ELF2: variants seen among roughly 807,000 people sequenced by gnomAD.
The protein encoded by ELF2 is E74 like ETS transcription factor 2.
ELF2 carries 11 observed loss-of-function variants against 54.8 expected under a neutral mutation model. The ratio of observed to expected loss-of-function variants is 0.20; its 90% CI spans 0.13 to 0.33. The LOEUF (loss-of-function observed/expected upper bound fraction) is 0.33, where lower values mean the gene tolerates loss of function less well. ELF2 is among the 10% of genes least tolerant of loss of function. The pLI is 1.00. For synonymous variants in ELF2, 203 were observed against 245.1 expected (o/e 0.83, Z 1.61); for missense variants, 513 against 703.0 (o/e 0.73, Z 3.06).
chr4:139,109,551 C>A (rs1286430332), intron 4 of ELF2, among the ~76,000 whole-genome samples: 1 of 152,180 alleles, frequency 6.6e-6, no homozygotes, highest in Non-Finnish European at 1.5e-5. Context: ...TTTAGAATCA[C>A]ATTTGCATAT....
intron 4 of ELF2, among the ~76,000 whole-genome samples, chr4:139,110,700 C>T (rs1178516985): frequency 1.4e-5 from 2 of 142,614 alleles, no homozygotes; most frequent in African/African-American, 5.2e-5. Flanking sequence ...AACAACTGCA[C>T]TGCTTAGGAG....
intron 4 of ELF2, among the ~76,000 whole-genome samples, chr4:139,111,950 T>C (rs1734989887): frequency 6.6e-6 from 1 of 152,156 alleles, no homozygotes; most frequent in South Asian, 2.1e-4. Flanking sequence ...TCTTTGACTG[T>C]CCTATTCCTT....
intron 4 of ELF2, among the ~76,000 whole-genome samples, chr4:139,097,120 A>C (rs10019732): frequency 0.026 from 3,929 of 152,226 alleles, 157 homozygotes; most frequent in African/African-American, 0.089. Flanking sequence ...AAATACATTC[A>C]AAGCTATTAT....
rs1043767811 is a variant in ELF2, at chr4:139,060,364, G to T, written c.1117C>A (p.Pro373Thr). ...GCTGACACAGATGCAGTGGTAGTAGGAGACCTGGATGAAGCATCGTGCCCA... is the reference window on the plus strand; with the variant it reads ...GCTGACACAGATGCAGTGGTAGTAGTAGACCTGGATGAAGCATCGTGCCCA... ...SPGHDASSRS[P>T]TTTASVSATA... The change falls in exon 9 of 10, where the codon CCT (proline) becomes ACT (threonine). Residue 373 changes from proline to threonine, a missense_variant. Coordinates refer to ENST00000686138, the MANE Select transcript of ELF2 (RefSeq NM_001331036.3). The T allele has an allele frequency of 6.2e-7, 1 of 1,613,374 alleles. No homozygotes were observed. The highest frequency in any genetic ancestry group is 1.7e-4 in the Middle Eastern group (1 of 5,830).
At chr4:139,151,049 AAAGAAAGAAAG>A (rs1739889340) in intron 1 of ELF2, among the ~76,000 whole-genome samples, 1 of 90,414 alleles carries the variant, frequency 1.1e-5, no homozygotes, top group Non-Finnish European at 2.6e-5. Context: ...AGAAAGAAAG[AAAGAAAGAAAG>A]AAAGAAAGAA....
intron 4 of ELF2, among the ~76,000 whole-genome samples, chr4:139,094,425 G>A (rs567255703): frequency 5.9e-5 from 9 of 152,248 alleles, no homozygotes; most frequent in Admixed American, 4.6e-4. Context: ...GGAGTGGTTT[G>A]CAGCACGAGG....
chr4:139,082,878 T>TA (rs1006010766), intron 4 of ELF2, among the ~76,000 whole-genome samples: 2 of 152,228 alleles, frequency 1.3e-5, no homozygotes, highest in African/African-American at 4.8e-5. Context: ...CGCTGTCTGC[T>TA]ATTAAGCAAA....
chr4:139,169,289 G>C (rs2129683), intron 1 of ELF2, among the ~76,000 whole-genome samples: 2 of 148,980 alleles, frequency 1.3e-5, no homozygotes, highest in African/African-American at 5.0e-5. Context: ...CAGAGGTTGC[G>C]GCAAGCCGAG....
chr4:139,173,003 T>C (rs1486422310), intron 1 of ELF2, among the ~76,000 whole-genome samples: 1 of 150,472 alleles, frequency 6.6e-6, no homozygotes, highest in Non-Finnish European at 1.5e-5. Flanking sequence ...AACATTATGC[T>C]AAGTGAAAGA....
At chr4:139,089,903 C>T (rs1157221625) in intron 4 of ELF2, among the ~76,000 whole-genome samples, 2 of 151,988 alleles carry the variant, frequency 1.3e-5, no homozygotes, top group East Asian at 3.8e-4. Flanking sequence ...CATCATATAC[C>T]AACAAACAGT....
chr4:139,076,109 A>G lies in ELF2; in HGVS notation c.239-2542T>C, dbSNP rs563695407. Among the ~76,000 whole-genome samples the G allele has an allele frequency of 5.3e-5, 8 of 152,338 alleles. No homozygotes were observed. In the East Asian group the frequency reaches 1.3e-3, roughly 26 times the overall value. ...TGCTAAAGCCTCAGTCTTAAACAAC[A>G]GTCATTTGGAAAGCATTTATTTTAA... On this transcript the variant is annotated intron_variant, in intron 4 of 9. Coordinates refer to ENST00000686138, the MANE Select transcript of ELF2 (RefSeq NM_001331036.3).
At chr4:139,116,166 T>C (rs949721496) in intron 4 of ELF2, among the ~76,000 whole-genome samples, 2 of 152,220 alleles carry the variant, frequency 1.3e-5, no homozygotes, top group Non-Finnish European at 2.9e-5. Context: ...CTAATAATAC[T>C]GTCTGATCTA....
intron 4 of ELF2, among the ~76,000 whole-genome samples, chr4:139,088,390 CTT>C (rs1177795906): frequency 1.3e-5 from 2 of 151,838 alleles, no homozygotes; most frequent in African/African-American, 4.8e-5. Context: ...CAATTTCTTC[CTT>C]TCTTACAATA....
chr4:139,101,198 G>A (rs1456071804), intron 4 of ELF2, among the ~76,000 whole-genome samples: 1 of 152,042 alleles, frequency 6.6e-6, no homozygotes, highest in Non-Finnish European at 1.5e-5. Flanking sequence ...TTAAACCTTA[G>A]GTTATGAAGA....
At chr4:139,075,023 C>T (rs879173825) in intron 4 of ELF2, among the ~76,000 whole-genome samples, 3 of 152,160 alleles carry the variant, frequency 2.0e-5, no homozygotes, top group African/African-American at 7.2e-5. Context: ...TACTTGAGAA[C>T]TTTCTTTATA....
rs781735726 is a variant in ELF2 at position 139,060,558 on chromosome 4, T to C, written c.923A>G (p.Asn308Ser). The change falls in exon 9 of 10, where the codon AAT becomes AGT. Residue 308 changes from asparagine to serine, a missense_variant. By Grantham distance (46) the Asn-to-Ser change is conservative. Transcript: ENST00000686138. Reference protein sequence around the residue: ...VIDDDKSETCNEDLAGTTDEK... With the variant: ...VIDDDKSETCSEDLAGTTDEK... ...ATCAGTAGTTCCTGCTAAATCTTCATTACAGGTTTCACTTTTGTCATCATC... is the reference window on the plus strand; with the variant it reads ...ATCAGTAGTTCCTGCTAAATCTTCACTACAGGTTTCACTTTTGTCATCATC... The C allele has an allele frequency of 2.5e-6, 4 of 1,614,216 alleles. No homozygotes were observed. In the East Asian group the frequency reaches 8.9e-5, roughly 36 times the overall value.
intron 4 of ELF2, among the ~76,000 whole-genome samples, chr4:139,103,322 T>C (rs1180266040): frequency 1.3e-5 from 2 of 152,148 alleles, no homozygotes; most frequent in African/African-American, 2.4e-5. Flanking sequence ...CCCCTAGGTA[T>C]CTTCAGGATG....
At chr4:139,115,472 G>A in intron 4 of ELF2, 5 of 904,604 alleles carry the variant, frequency 5.5e-6, no homozygotes, top group Non-Finnish European at 6.6e-6. Context: ...CGCGGCGAGG[G>A]CAGCGGCGGG....
In ELF2 at chr4:139,058,109, G is replaced by GT. The variant is rs1727273973; in HGVS notation, c.*873dup. The GT allele has an allele frequency of 6.6e-6, 1 of 152,438 alleles. No individual in the cohort carries two copies. Among genetic ancestry groups the GT allele is most frequent in the Non-Finnish European group, 1.5e-5 (1 of 68,010 alleles). The allele number at this position is 152,438 out of a possible 1,614,324, so 9.4% of individuals were successfully genotyped here. ...CCAAGTGACAGCAGAACTGAAAATGGTATGTCTGCACAAATGCCAAGGCTA... is the reference window on the plus strand; with the variant it reads ...CCAAGTGACAGCAGAACTGAAAATGGTTATGTCTGCACAAATGCCAAGGCTA... On this transcript the variant is annotated 3_prime_UTR_variant, in exon 10 of 10. Transcript: ENST00000686138.
Sources: allele counts gnomAD v4.1 joint callset (sites outside exome capture counted in the v4.1 genomes callset), GRCh38; gene constraint gnomAD v4.1.1; transcripts MANE v1.5; gene names NCBI Gene and HGNC (gene_info 2026-07-23, HGNC 2026-07-21).